The following WWC1 variants were observed in gnomAD, a reference collection of about 807,000 sequenced individuals.
The protein encoded by WWC1 is WW and C2 domain containing 1, also known as protein KIBRA.
WWC1 carries 55 observed loss-of-function variants against 138.4 expected under a neutral mutation model. The observed-to-expected ratio is 0.40, with a 90% CI of 0.32 to 0.50. WWC1 has a LOEUF of 0.50. WWC1 is among the 20% of genes least tolerant of loss of function. The pLI is 0.72. For synonymous variants in WWC1, 524 were observed against 564.9 expected, an observed-to-expected ratio of 0.93 and a Z score of 1.03; for missense variants, 1,226 against 1,420.4, an observed-to-expected ratio of 0.86 and a Z score of 2.20.
At chr5:168,293,249 G>A (rs770663243) in intron 1 of WWC1, among the ~76,000 whole-genome samples, 10 of 152,094 alleles carry the variant, frequency 6.6e-5, no homozygotes, top group Non-Finnish European at 1.5e-4. Flanking sequence ...TAGAGTCCCC[G>A]GACCACGATG....
intron 3 of WWC1, among the ~76,000 whole-genome samples, chr5:168,388,873 G>A (rs920570813): frequency 6.6e-6 from 1 of 151,752 alleles, no homozygotes; most frequent in African/African-American, 2.4e-5. Flanking sequence ...AATTGTCGAT[G>A]ACACATTGAT....
At chr5:168,345,951 A>G (rs1418716592) in intron 1 of WWC1, among the ~76,000 whole-genome samples, 1 of 152,106 alleles carries the variant, frequency 6.6e-6, no homozygotes, top group Non-Finnish European at 1.5e-5. Context: ...TAATTAAATT[A>G]TTGGAGTCTC....
chr5:168,407,278 A>T (rs1779867654), intron 6 of WWC1, among the ~76,000 whole-genome samples: 1 of 152,178 alleles, frequency 6.6e-6, no homozygotes. Context: ...TGTATGCATC[A>T]TGTCTCATCT....
chr5:168,436,844 C>T (rs1243110807), intron 15 of WWC1, among the ~76,000 whole-genome samples: 4 of 152,132 alleles, frequency 2.6e-5, no homozygotes, highest in African/African-American at 9.7e-5. Context: ...TTCCCGGCTT[C>T]TGTCCTTTTC....
intron 17 of WWC1, among the ~76,000 whole-genome samples, chr5:168,452,642 A>G (rs751100109): frequency 3.3e-5 from 5 of 152,246 alleles, no homozygotes; most frequent in Non-Finnish European, 7.3e-5. Context: ...AATATCCAAC[A>G]GAAATGAAAA....
At chr5:168,372,444 G>A (rs1388713129) in intron 2 of WWC1, among the ~76,000 whole-genome samples, 1 of 152,182 alleles carries the variant, frequency 6.6e-6, no homozygotes, top group East Asian at 1.9e-4. Flanking sequence ...GAAGAAAATA[G>A]AATGAAATGG....
rs1170822257 is a variant in WWC1 at position 168,467,824 on chromosome 5, T to C, written c.3151-16T>C. 16 of 1,614,030 alleles carry C rather than the reference T, an allele frequency of 9.9e-6. No individual in the cohort carries two copies. The South Asian group carries it at 1.8e-4, about 18-fold the overall frequency. On this transcript the variant is annotated splice_polypyrimidine_tract_variant and intron_variant, in intron 21 of 22. Coordinates refer to ENST00000265293, the MANE Select transcript of WWC1 (RefSeq NM_015238.3). ...GGCCCCCTCCACTGACTCAGGGCCT[T>C]GCTTGCTTTGCCCAGCAGATGGACC...
chr5:168,447,293 T>A (rs1755366054), intron 17 of WWC1, among the ~76,000 whole-genome samples: 1 of 152,202 alleles, frequency 6.6e-6, no homozygotes, highest in Admixed American at 6.5e-5. Context: ...GGCGGCGCCC[T>A]CCCGTAATAT....
chr5:168,459,532 G>A (rs10038727), intron 19 of WWC1, among the ~76,000 whole-genome samples: 46,710 of 151,952 alleles, frequency 0.31, 8,342 homozygotes, highest in Middle Eastern at 0.45. Flanking sequence ...ATCATGTTAG[G>A]ATTGTCTGAG....
rs766698630 is a variant in WWC1 at position 168,453,975 on chromosome 5, G to A, written c.2533G>A (p.Glu845Lys). 6 of 1,612,676 alleles carry A rather than the reference G, an allele frequency of 3.7e-6. No individual in the cohort carries two copies. In the African/African-American group the frequency reaches 5.3e-5, roughly 14 times the overall value. Residue 845 changes from glutamate to lysine, a missense_variant, in exon 18 of 23, where the codon GAG (glutamate) becomes AAG (lysine). This residue lies in a region of WWC1 where 1,016 missense variants were observed against 1,153.9 expected (regional missense o/e 0.88). Transcript: ENST00000265293. Reference sequence around the variant, plus strand: ...AGTGCTTTGTCATCACAGGAGGTATGAGGAGACCAGTGAGAATGAGGCAGT... The same window carrying A: ...AGTGCTTTGTCATCACAGGAGGTATAAGGAGACCAGTGAGAATGAGGCAGT... ...TQTLEDSWRY[E>K]ETSENEAVAE...
At chr5:168,431,785 A>T (rs1486255547) in intron 15 of WWC1, among the ~76,000 whole-genome samples, 1 of 152,194 alleles carries the variant, frequency 6.6e-6, no homozygotes, top group Non-Finnish European at 1.5e-5. Context: ...AGAAGCACAG[A>T]CTATGGCTGT....
At chr5:168,390,312 G>GT (rs754647866) in intron 3 of WWC1, among the ~76,000 whole-genome samples, 12 of 152,018 alleles carry the variant, frequency 7.9e-5, no homozygotes, top group East Asian at 3.9e-4. Context: ...TGAAAAAGAG[G>GT]TTTTTTTTAC....
At chr5:168,349,678 C>T (rs1219245975) in intron 1 of WWC1, among the ~76,000 whole-genome samples, 1 of 152,176 alleles carries the variant, frequency 6.6e-6, no homozygotes, top group Non-Finnish European at 1.5e-5. Flanking sequence ...TTCCTTCTTT[C>T]TCCGTCATTT....
At chr5:168,329,524 A>G (rs1270549796) in intron 1 of WWC1, among the ~76,000 whole-genome samples, 1 of 152,214 alleles carries the variant, frequency 6.6e-6, no homozygotes, top group Non-Finnish European at 1.5e-5. Flanking sequence ...GTCCGAAGCA[A>G]GTGTCCTGCC....
chr5:168,362,056 C>T (rs12655859), intron 1 of WWC1, among the ~76,000 whole-genome samples: 2 of 152,260 alleles, frequency 1.3e-5, no homozygotes. Flanking sequence ...GCTCTCCAGC[C>T]TGGGCAACAA....
At chr5:168,365,003 C>A (rs1018926506) in intron 1 of WWC1, among the ~76,000 whole-genome samples, 5 of 152,154 alleles carry the variant, frequency 3.3e-5, no homozygotes, top group Non-Finnish European at 5.9e-5. Flanking sequence ...TTTTATCATG[C>A]CCAGATTTGT....
chr5:168,465,211 G>T (rs537622487), intron 21 of WWC1, among the ~76,000 whole-genome samples: 1 of 152,336 alleles, frequency 6.6e-6, no homozygotes, highest in South Asian at 2.1e-4. Context: ...TTGTGATTTT[G>T]TGTGCAAGCC....
rs1390983497 is a variant in WWC1, at chr5:168,464,830, C to A, written c.3018C>A (p.Thr1006=). The change falls in exon 21 of 23, where the codon ACC becomes ACA. Residue 1006 remains threonine (T), a synonymous_variant. Coordinates refer to ENST00000265293, the MANE Select transcript of WWC1 (RefSeq NM_015238.3). ...QATRTWHSQL[T]QEISVLKELK... ...CAAGAACCTGGCACAGCCAATTGAC[C>A]CAGGAGATCTCGGTGCTGAAGGAGC... is the stretch of plus-strand genomic sequence containing the variant. 1.2e-6 allele frequency: 2 copies of A among 1,614,208 alleles called. No homozygotes were observed. The highest frequency in any genetic ancestry group is 1.7e-5 in the Admixed American group (1 of 60,022).
intron 1 of WWC1, among the ~76,000 whole-genome samples, chr5:168,328,678 C>T (rs113363546): frequency 1.6e-4 from 24 of 152,264 alleles, no homozygotes; most frequent in African/African-American, 5.5e-4. Flanking sequence ...TCCCGAACAG[C>T]TGGGACTACA....
Sources: allele counts gnomAD v4.1 joint callset (sites outside exome capture counted in the v4.1 genomes callset), GRCh38; gene constraint gnomAD v4.1.1; regional missense constraint gnomAD v4.1.1; transcripts MANE v1.5; gene names NCBI Gene and HGNC (gene_info 2026-07-23, HGNC 2026-07-21).